Variants in CRYBG1 observed in about 807,000 individuals in gnomAD.
CRYBG1 encodes crystallin beta-gamma domain containing 1.
A neutral mutation model predicts 189.2 loss-of-function variants in CRYBG1; 139 were observed. The observed-to-expected ratio is 0.73, with a 90% CI of 0.64 to 0.85. CRYBG1 has a LOEUF of 0.85. Ranked by LOEUF, CRYBG1 falls within the 40% of genes least tolerant of loss-of-function variation. The probability of loss-of-function intolerance (pLI) is 0.00; values close to 1 mark genes in which losing one functional copy is unlikely to be tolerated. For synonymous variants in CRYBG1, 1,023 were observed against 1,017.1 expected, an observed-to-expected ratio of 1.01 and a Z score of -0.11; for missense variants, 2,611 against 2,675.8, an observed-to-expected ratio of 0.98 and a Z score of 0.53.
At chr6:106,445,936 G>A (rs975849584) in intron 1 of CRYBG1, among the ~76,000 whole-genome samples, 1 of 152,172 alleles carries the variant, frequency 6.6e-6, no homozygotes, top group African/African-American at 2.4e-5. Flanking sequence ...AGATTTACAT[G>A]GCTCTATCCT....
chr6:106,510,002 G>A (rs962044689), intron 2 of CRYBG1, among the ~76,000 whole-genome samples: 43 of 152,092 alleles, frequency 2.8e-4, no homozygotes, highest in Non-Finnish European at 5.4e-4. Flanking sequence ...CATCGCCAAA[G>A]TCCATTTGCT....
chr6:106,512,557 C>T lies in CRYBG1; in HGVS notation c.1440C>T (p.Ser480=), dbSNP rs146137130. ...CAGCCCTCGACGGGGGCGTTGCCTCCGCTGCGAGCCCAGAGTCCAAGCCCA... is the reference window on the plus strand; with the variant it reads ...CAGCCCTCGACGGGGGCGTTGCCTCTGCTGCGAGCCCAGAGTCCAAGCCCA... ...PRAALDGGVA[S]AASPESKPSP... is the part of the protein sequence containing the mutation. The change falls in exon 3 of 22, where the codon TCC becomes TCT. Residue 480 remains serine, a synonymous_variant. Transcript: ENST00000633556. The T allele has an allele frequency of 3.7e-6, 6 of 1,607,186 alleles. No individual in the cohort carries two copies. In the South Asian group the frequency reaches 5.5e-5, roughly 15 times the overall value.
intron 16 of CRYBG1, among the ~76,000 whole-genome samples, chr6:106,554,095 C>G (rs1220106910): frequency 2.6e-5 from 4 of 152,138 alleles, no homozygotes; most frequent in Non-Finnish European, 5.9e-5. Flanking sequence ...TTGTTTCATG[C>G]TGAAACAATC....
chr6:106,468,104 A>G (rs1407908116), intron 2 of CRYBG1, among the ~76,000 whole-genome samples: 2 of 152,224 alleles, frequency 1.3e-5, no homozygotes, highest in African/African-American at 4.8e-5. Flanking sequence ...TACTCACACC[A>G]GTAGAAAGTA....
Position 106,563,667 on chromosome 6 carries a change from A to G in CRYBG1, c.6139-97A>G, listed in dbSNP as rs1774790513. 2.3e-6 allele frequency: 3 copies of G among 1,293,496 alleles called. No individual in the cohort carries two copies. The African/African-American group carries it at 4.4e-5, about 19-fold the overall frequency. The allele number at this position is 1,293,496 out of a possible 1,614,324, so 80.1% of individuals were successfully genotyped here. A position where few individuals can be genotyped will look rare whatever the true frequency, so the allele number is the denominator to read the frequency against. On this transcript the variant is annotated intron_variant, in intron 20 of 21. Coordinates refer to ENST00000633556, the MANE Select transcript of CRYBG1 (RefSeq NM_001371242.2). ...TGTGGGGTAAATGAAGCTAGGAACT[A>G]AGATAATTTTAAAGCCCAATGTAAC... is the stretch of plus-strand genomic sequence containing the variant.
intron 1 of CRYBG1, among the ~76,000 whole-genome samples, chr6:106,424,361 A>G (rs1335386219): frequency 6.6e-6 from 1 of 152,150 alleles, no homozygotes; most frequent in Non-Finnish European, 1.5e-5. Flanking sequence ...ACACAAGACC[A>G]TTTTACTTAC....
intron 21 of CRYBG1, among the ~76,000 whole-genome samples, chr6:106,567,396 A>C (rs1423702504): frequency 6.6e-6 from 1 of 152,244 alleles, no homozygotes; most frequent in Non-Finnish European, 1.5e-5. Context: ...AATGATGATA[A>C]ATCAGTGTCT....
At chr6:106,361,114 C>A (rs1162744406) in intron 1 of CRYBG1, 33 bp downstream of exon 1, 2 of 1,468,948 alleles carry the variant, frequency 1.4e-6, no homozygotes, top group Non-Finnish European at 1.8e-6. Flanking sequence ...CCAGTCCCAC[C>A]TCCTCCTCCT....
rs761398144 is a variant in CRYBG1, at chr6:106,560,921, G to T, written c.5974G>T (p.Val1992Phe). The T allele has an allele frequency of 2.5e-6, 4 of 1,602,218 alleles. No individual in the cohort carries two copies. The East Asian group carries it at 9.0e-5, about 36-fold the overall frequency. The change falls in exon 19 of 22, where the codon GTT (valine) becomes TTT (phenylalanine). Residue 1992 changes from valine to phenylalanine, a missense_variant. Physicochemically the swap from Val to Phe is conservative, Grantham distance 50. Transcript: ENST00000633556. ...CRQIGSLRPF[V>F]QKRIYFRLRN... ...CCAAATAGGTTCTCTACGACCTTTT[G>T]TTCAGGTATTTTCTTCCTCTCCATG...
intron 2 of CRYBG1, among the ~76,000 whole-genome samples, chr6:106,482,643 C>T (rs548425588): frequency 5.9e-5 from 9 of 152,058 alleles, no homozygotes; most frequent in Non-Finnish European, 1.0e-4. Flanking sequence ...GGCGTGGTGG[C>T]GGGCACCTGT....
intron 20 of CRYBG1, among the ~76,000 whole-genome samples, chr6:106,562,134 A>T (rs570351907): frequency 2.2e-3 from 338 of 150,734 alleles, no homozygotes; most frequent in Non-Finnish European, 4.0e-3. Flanking sequence ...AAACAAAACA[A>T]AAAACCAAAA....
At chr6:106,559,177 T>A (rs937317959) in intron 18 of CRYBG1, among the ~76,000 whole-genome samples, 1 of 152,178 alleles carries the variant, frequency 6.6e-6, no homozygotes, top group Non-Finnish European at 1.5e-5. Flanking sequence ...CCTCTCATAG[T>A]CTAGCAAGTA....
intron 1 of CRYBG1, among the ~76,000 whole-genome samples, chr6:106,441,506 T>C (rs1039436320): frequency 2.0e-5 from 3 of 152,214 alleles, no homozygotes; most frequent in Non-Finnish European, 4.4e-5. Flanking sequence ...CCCTGACGTG[T>C]TGCTAATACA....
In CRYBG1 at chr6:106,561,184, ACT is replaced by A. The variant is rs571981871; in HGVS notation, c.5980-155_5980-154del. Reference sequence around the variant, plus strand: ...CTCAGGCGCTTTGACATTTTGTCAAACTCTTCTCATTGAGAAAATTTAAAACC... The same window carrying A: ...CTCAGGCGCTTTGACATTTTGTCAAACTTCTCATTGAGAAAATTTAAAACC... On this transcript the variant is annotated intron_variant, in intron 19 of 21. Transcript: ENST00000633556. 2.9e-3 allele frequency among the ~76,000 whole-genome samples: 440 copies of A among 151,844 alleles called. 3 individuals are homozygous for A. Among genetic ancestry groups the A allele is most frequent in the African/African-American group, 0.01 (428 of 41,384 alleles).
rs543075001 is a variant in CRYBG1, at chr6:106,563,618, T to C, written c.6139-146T>C. On this transcript the variant is annotated intron_variant, in intron 20 of 21. Coordinates refer to ENST00000633556, the MANE Select transcript of CRYBG1 (RefSeq NM_001371242.2). ...ATAAATATTTATTGTCCGATTCTAG[T>C]TGGCTAAGAGCTGAACTGCCTCATG... The C allele has an allele frequency of 2.6e-4, 171 of 662,068 alleles. No homozygotes were observed. In the African/African-American group the frequency reaches 2.8e-3, roughly 11 times the overall value. The allele number at this position is 662,068 out of a possible 1,614,324, so 41.0% of individuals were successfully genotyped here. A position where few individuals can be genotyped will look rare whatever the true frequency, so the allele number is the denominator to read the frequency against.
At chr6:106,388,118 T>C (rs1325941459) in intron 1 of CRYBG1, among the ~76,000 whole-genome samples, 4 of 152,192 alleles carry the variant, frequency 2.6e-5, no homozygotes, top group African/African-American at 9.7e-5. Flanking sequence ...TTATGCCACC[T>C]CACCATGAAC....
At chr6:106,393,482 C>T (rs561021648) in intron 1 of CRYBG1, among the ~76,000 whole-genome samples, 21 of 152,278 alleles carry the variant, frequency 1.4e-4, no homozygotes, top group Non-Finnish European at 2.8e-4. Context: ...GCTTGCACTG[C>T]AGGGGGCACT....
At chr6:106,461,429 T>G (rs547470736) in intron 2 of CRYBG1, among the ~76,000 whole-genome samples, 1 of 152,336 alleles carries the variant, frequency 6.6e-6, no homozygotes, top group Admixed American at 6.5e-5. Context: ...TCTGGTGACA[T>G]CATCCTCATA....
intron 1 of CRYBG1, among the ~76,000 whole-genome samples, chr6:106,373,384 T>C (rs990589218): frequency 4.6e-5 from 7 of 152,038 alleles, no homozygotes; most frequent in Admixed American, 6.6e-5. Flanking sequence ...AGGTGACAAA[T>C]GTTGAGGATT....
Sources: allele counts gnomAD v4.1 joint callset (sites outside exome capture counted in the v4.1 genomes callset), GRCh38; gene constraint gnomAD v4.1.1; transcripts MANE v1.5; gene names NCBI Gene and HGNC (gene_info 2026-07-23, HGNC 2026-07-21).